Variants in EEA1 observed in about 807,000 individuals in gnomAD.
EEA1 encodes early endosome antigen 1, 162kD.
A neutral mutation model predicts 209.2 loss-of-function variants in EEA1; 111 were observed. The ratio of observed to expected loss-of-function variants is 0.53; its 90% CI spans 0.45 to 0.62. EEA1 has a LOEUF of 0.62. Among genes scored for constraint, EEA1 ranks in the 20% least tolerant of loss-of-function variants. The probability of loss-of-function intolerance (pLI) is 0.00; values close to 1 mark genes in which losing one functional copy is unlikely to be tolerated. For synonymous variants in EEA1, 536 were observed against 540.6 expected, an observed-to-expected ratio of 0.99 and a Z score of 0.12; for missense variants, 1,343 against 1,530.8, an observed-to-expected ratio of 0.88 and a Z score of 2.05.
intron 18 of EEA1, 61 bp from the exon 19 acceptor site, chr12:92,802,795 T>C (rs1874990898): frequency 7.7e-7 from 1 of 1,304,292 alleles, no homozygotes; most frequent in African/African-American, 1.6e-5. Context: ...TAATTTACCA[T>C]TCAAAATTAA....
At chr12:92,785,938 C>T (rs941171396) in intron 22 of EEA1, among the ~76,000 whole-genome samples, 14 of 152,096 alleles carry the variant, frequency 9.2e-5, no homozygotes, top group African/African-American at 1.7e-4. Flanking sequence ...TAATAAAAAT[C>T]GCTGGCTTAA....
intron 1 of EEA1, among the ~76,000 whole-genome samples, chr12:92,927,869 G>T (rs1436922853): frequency 6.6e-6 from 1 of 152,220 alleles, no homozygotes; most frequent in African/African-American, 2.4e-5. Flanking sequence ...CAGGTTGTCA[G>T]ATAAAGAAGT....
At chr12:92,810,072 T>G (rs1487825374) in intron 17 of EEA1, among the ~76,000 whole-genome samples, 1 of 152,220 alleles carries the variant, frequency 6.6e-6, no homozygotes, top group Non-Finnish European at 1.5e-5. Flanking sequence ...TTTACAAACT[T>G]ACAAAATCAA....
intron 15 of EEA1, among the ~76,000 whole-genome samples, chr12:92,815,947 G>A (rs1052071325): frequency 6.6e-5 from 10 of 150,884 alleles, no homozygotes; most frequent in Non-Finnish European, 1.3e-4. Flanking sequence ...GACAGAGACA[G>A]AGAGAGAGAG....
In EEA1 at chr12:92,878,490, T is replaced by A. The variant is rs570184337; in HGVS notation, c.117+13139A>T. Among the ~76,000 whole-genome samples the A allele has an allele frequency of 5.9e-5, 9 of 152,236 alleles. 1 individual carries two copies. In the South Asian group the frequency reaches 1.9e-3, roughly 32 times the overall value. Reference sequence around the variant, plus strand: ...AAGAATAGCAAGTTGAATGTTGGGGTAGGAAAGACTGGAGGGCAAGAATTT... The same window carrying A: ...AAGAATAGCAAGTTGAATGTTGGGGAAGGAAAGACTGGAGGGCAAGAATTT... On this transcript the variant is annotated intron_variant, in intron 2 of 28. Transcript: ENST00000322349.
rs1246120401 is a variant in EEA1, at chr12:92,773,246, T to C, written c.*2765A>G. The C allele has an allele frequency of 6.6e-6, 1 of 152,066 alleles. No individual in the cohort carries two copies. Among genetic ancestry groups the C allele is most frequent in the East Asian group, 1.9e-4 (1 of 5,196 alleles). The allele number at this position is 152,066 out of a possible 1,614,324, so 9.4% of individuals were successfully genotyped here. On this transcript the variant is annotated 3_prime_UTR_variant, in exon 29 of 29. Coordinates refer to ENST00000322349, the MANE Select transcript of EEA1 (RefSeq NM_003566.4). ...AAAGCTAAACATTTTTATGCAAATG[T>C]AAGGTTAAAAAAAAGTGGCTTTAAA...
At chr12:92,878,729 A>G (rs1349902580) in intron 2 of EEA1, among the ~76,000 whole-genome samples, 1 of 152,178 alleles carries the variant, frequency 6.6e-6, no homozygotes, top group Non-Finnish European at 1.5e-5. Context: ...AAAAATTAAT[A>G]AATGGATAAA....
Position 92,853,044 on chromosome 12 carries a change from G to T in EEA1, c.407-19C>A. The T allele has an allele frequency of 6.8e-7, 1 of 1,478,636 alleles. No individual in the cohort carries two copies. The highest frequency in any genetic ancestry group is 9.3e-7 in the Non-Finnish European group (1 of 1,070,048). The allele number at this position is 1,478,636 out of a possible 1,614,324, so 91.6% of individuals were successfully genotyped here. ...TGTAGTTCTACAAAAAAGTGTCGCA[G>T]TTATTCAAATACCATGTTAATTACA... On this transcript the variant is annotated intron_variant, in intron 6 of 28. Transcript: ENST00000322349.
intron 9 of EEA1, among the ~76,000 whole-genome samples, chr12:92,850,510 T>G (rs1877566997): frequency 6.6e-6 from 1 of 151,696 alleles, no homozygotes; most frequent in Non-Finnish European, 1.5e-5. Context: ...GCCAACATGG[T>G]GAAGCCCCAT....
At chr12:92,798,345 A>ATTTTTTTTTTT (rs202235633) in intron 21 of EEA1, among the ~76,000 whole-genome samples, 1 of 149,488 alleles carries the variant, frequency 6.7e-6, no homozygotes, top group African/African-American at 2.5e-5. Context: ...CATTATTATT[A>ATTTTTTTTTTT]TTATTATTTT....
intron 1 of EEA1, among the ~76,000 whole-genome samples, chr12:92,927,549 A>G (rs187813181): frequency 1.5e-3 from 224 of 152,336 alleles, no homozygotes; most frequent in African/African-American, 5.2e-3. Flanking sequence ...ATCTATAACT[A>G]CAGCTGAGCT....
chr12:92,869,302 A>C (rs1428795064), intron 2 of EEA1, among the ~76,000 whole-genome samples: 2 of 152,190 alleles, frequency 1.3e-5, no homozygotes, highest in African/African-American at 4.8e-5. Flanking sequence ...CTTCCAAAAA[A>C]CACAATTTAC....
intron 1 of EEA1, among the ~76,000 whole-genome samples, chr12:92,907,313 T>C (rs1212318701): frequency 6.6e-6 from 1 of 152,256 alleles, no homozygotes; most frequent in Non-Finnish European, 1.5e-5. Flanking sequence ...TCTAATTGAA[T>C]GCCTTGAGAG....
intron 10 of EEA1, among the ~76,000 whole-genome samples, chr12:92,836,274 T>A (rs943181076): frequency 6.6e-6 from 1 of 152,228 alleles, no homozygotes; most frequent in African/African-American, 2.4e-5. Context: ...ATTTAAATTA[T>A]AAAATGCATG....
intron 10 of EEA1, among the ~76,000 whole-genome samples, chr12:92,839,912 T>C (rs1340523619): frequency 4.6e-5 from 7 of 152,076 alleles, no homozygotes; most frequent in African/African-American, 1.7e-4. Flanking sequence ...ATCATATAGT[T>C]TTTGAGGGTC....
chr12:92,857,740 C>G (rs1222929654), intron 3 of EEA1, among the ~76,000 whole-genome samples: 1 of 152,100 alleles, frequency 6.6e-6, no homozygotes, highest in African/African-American at 2.4e-5. Context: ...GTTAAGTGCC[C>G]AAGCCAAGAG....
intron 3 of EEA1, chr12:92,858,151 G>A (rs563980881): frequency 1.1e-5 from 7 of 611,678 alleles, no homozygotes; most frequent in South Asian, 7.1e-5. Context: ...CCTCAGAGTT[G>A]GTGGGGGAAG....
At chr12:92,873,704 T>C (rs1337725386) in intron 2 of EEA1, among the ~76,000 whole-genome samples, 1 of 152,172 alleles carries the variant, frequency 6.6e-6, no homozygotes, top group East Asian at 1.9e-4. Flanking sequence ...CATATCACTC[T>C]TAGTAGCTAT....
intron 1 of EEA1, among the ~76,000 whole-genome samples, chr12:92,921,564 A>G (rs1193584682): frequency 6.7e-5 from 8 of 119,582 alleles, no homozygotes; most frequent in Non-Finnish European, 1.2e-4. Context: ...TCACATGGAC[A>G]CAGGAAGGGG....
Sources: gnomAD v4.1 joint callset for allele counts (sites outside exome capture counted in the v4.1 genomes callset) on GRCh38, gnomAD v4.1.1 for gene constraint, MANE v1.5 for transcripts, NCBI Gene and HGNC (gene_info 2026-07-23, HGNC 2026-07-21) for gene names.